Variants in SLC35D4 observed in about 807,000 individuals in gnomAD.
SLC35D4 encodes UDP-N-acetylglucosamine transporter SLC35D4.
At chr18:23,285,055 C>A in the SLC35D4 span, among the ~76,000 whole-genome samples, 1 of 152,236 alleles carries the variant, frequency 6.6e-6, no homozygotes, top group African/African-American at 2.4e-5. Flanking sequence ...CCCCTGTGAC[C>A]TGCACACATC....
At chr18:23,361,468 C>T in the SLC35D4 span, among the ~76,000 whole-genome samples, 14 of 152,194 alleles carry the variant, frequency 9.2e-5, no homozygotes, top group Non-Finnish European at 2.1e-4. Flanking sequence ...TGCTCCCTTA[C>T]AGCAAGGGAG....
the SLC35D4 span, among the ~76,000 whole-genome samples, chr18:23,432,496 C>T: frequency 1.3e-5 from 2 of 151,864 alleles, no homozygotes; most frequent in Admixed American, 1.3e-4. Context: ...GCCTGACCAA[C>T]ATAGTGAAAC....
the SLC35D4 span, among the ~76,000 whole-genome samples, chr18:23,275,422 C>T: frequency 1.3e-5 from 2 of 152,276 alleles, no homozygotes; most frequent in African/African-American, 2.4e-5. Context: ...TGAACCGTGC[C>T]CTCCGGGGGT....
chr18:23,403,501 T>C, the SLC35D4 span, among the ~76,000 whole-genome samples: 5 of 152,154 alleles, frequency 3.3e-5, no homozygotes, highest in Admixed American at 2.0e-4. Context: ...GCAAAGGCCC[T>C]GTGGCAAGAA....
chr18:23,278,198 C>A, the SLC35D4 span, among the ~76,000 whole-genome samples: 2 of 152,308 alleles, frequency 1.3e-5, no homozygotes, highest in African/African-American at 4.8e-5. Context: ...TAGAGCCCCA[C>A]ATACTCCCGC....
chr18:23,299,851 T>C, the SLC35D4 span, among the ~76,000 whole-genome samples: 1 of 152,172 alleles, frequency 6.6e-6, no homozygotes, highest in Non-Finnish European at 1.5e-5. Flanking sequence ...GCCTAGTACC[T>C]TACTCCAAGT....
At chr18:23,349,842 C>T in the SLC35D4 span, among the ~76,000 whole-genome samples, 1 of 152,098 alleles carries the variant, frequency 6.6e-6, no homozygotes, top group Non-Finnish European at 1.5e-5. Context: ...CTTTCTTTTC[C>T]TTTCTGTAAA....
chr18:23,425,653 G>A, the SLC35D4 span, among the ~76,000 whole-genome samples: 1 of 152,112 alleles, frequency 6.6e-6, no homozygotes, highest in Non-Finnish European at 1.5e-5. Flanking sequence ...TATCTGCCTG[G>A]GAAAGAGCAA....
chr18:23,286,779 C>CT, the SLC35D4 span, among the ~76,000 whole-genome samples: 24 of 152,036 alleles, frequency 1.6e-4, no homozygotes, highest in East Asian at 1.2e-3. Context: ...TTAAGCACTC[C>CT]TTTTAGTTAT....
chr18:23,366,438 A>C, the SLC35D4 span, among the ~76,000 whole-genome samples: 2 of 152,270 alleles, frequency 1.3e-5, no homozygotes, highest in African/African-American at 4.8e-5. Context: ...ATGTTATCTA[A>C]GTATGGCAGG....
chr18:23,245,866 T>G, the SLC35D4 span, among the ~76,000 whole-genome samples: 1 of 152,260 alleles, frequency 6.6e-6, no homozygotes, highest in Non-Finnish European at 1.5e-5. Flanking sequence ...CACAACTGCC[T>G]GCTGCAGGGT....
the SLC35D4 span, chr18:23,257,324 A>G: frequency 1.9e-6 from 3 of 1,613,932 alleles, no homozygotes; most frequent in South Asian, 3.3e-5. Flanking sequence ...TTGCCCGAGC[A>G]CGAAGTCATG....
At chr18:23,305,881 A>T in the SLC35D4 span, among the ~76,000 whole-genome samples, 4 of 152,234 alleles carry the variant, frequency 2.6e-5, no homozygotes, top group Non-Finnish European at 5.9e-5. Context: ...TTATCCAAGA[A>T]TGGTTCCTGG....
chr18:23,411,005 G>T, the SLC35D4 span, among the ~76,000 whole-genome samples: 406 of 151,888 alleles, frequency 2.7e-3, 3 homozygotes, highest in African/African-American at 9.3e-3. Context: ...CTCCTGTGCT[G>T]GTTTATTCTT....
chr18:23,265,913 G>A, the SLC35D4 span, among the ~76,000 whole-genome samples: 1 of 152,130 alleles, frequency 6.6e-6, no homozygotes, highest in Non-Finnish European at 1.5e-5. Flanking sequence ...TTCTATGAGT[G>A]TCTAAGCCAG....
chr18:23,291,294 G>C, the SLC35D4 span, among the ~76,000 whole-genome samples: 1 of 152,230 alleles, frequency 6.6e-6, no homozygotes. Context: ...CAGAGTTCAA[G>C]GGTCTCAGAG....
chr18:23,405,117 A>G, the SLC35D4 span, among the ~76,000 whole-genome samples: 4 of 151,560 alleles, frequency 2.6e-5, no homozygotes, highest in Non-Finnish European at 4.4e-5. Flanking sequence ...CTCACCAGTC[A>G]TCAAATCTGC....
the SLC35D4 span, among the ~76,000 whole-genome samples, chr18:23,273,905 G>A: frequency 1.3e-5 from 2 of 152,050 alleles, no homozygotes; most frequent in African/African-American, 2.4e-5. Flanking sequence ...TTCAACAAAC[G>A]TTTGAGAGGA....
the SLC35D4 span, chr18:23,253,020 A>G: frequency 6.2e-7 from 1 of 1,613,886 alleles, no homozygotes; most frequent in South Asian, 1.1e-5. Flanking sequence ...CGAGACCTTC[A>G]AGGAGAAGTT....
Sources: gnomAD v4.1 joint callset for allele counts (sites outside exome capture counted in the v4.1 genomes callset) on GRCh38, gnomAD v4.1.1 for gene constraint, MANE v1.5 for transcripts, NCBI Gene and HGNC (gene_info 2026-07-23, HGNC 2026-07-21) for gene names.